Variants in RSF1 observed in about 807,000 individuals in gnomAD.
RSF1 encodes remodeling and spacing factor 1, also known as HBV pX-associated protein 8.
RSF1 carries 13 observed loss-of-function variants against 145.2 expected under a neutral mutation model. The observed-to-expected ratio is 0.09, with a 90% CI of 0.06 to 0.14. The LOEUF is 0.14. Ranked by LOEUF, RSF1 falls within the 10% of genes least tolerant of loss-of-function variation. The probability of loss-of-function intolerance (pLI) is 1.00; values close to 1 mark genes in which losing one functional copy is unlikely to be tolerated. For synonymous variants in RSF1, 577 were observed against 592.6 expected (o/e 0.97, Z 0.38); for missense variants, 1,517 against 1,718.2 (o/e 0.88, Z 2.07).
At chr11:77,783,778 G>A (rs1003307132) in intron 1 of RSF1, among the ~76,000 whole-genome samples, 2 of 152,040 alleles carry the variant, frequency 1.3e-5, no homozygotes, top group Non-Finnish European at 2.9e-5. Flanking sequence ...GGAAGTTGAG[G>A]CTGCAGTGAG....
intron 5 of RSF1, among the ~76,000 whole-genome samples, chr11:77,706,203 T>G (rs1338982104): frequency 7.1e-6 from 1 of 141,350 alleles, no homozygotes; most frequent in African/African-American, 2.7e-5. Flanking sequence ...ATTGCCCCAC[T>G]GCACTCCAGC....
intron 5 of RSF1, among the ~76,000 whole-genome samples, chr11:77,710,872 T>C (rs1169163487): frequency 1.3e-5 from 2 of 152,154 alleles, no homozygotes; most frequent in Non-Finnish European, 2.9e-5. Flanking sequence ...ATTTGACTCT[T>C]TGAGTCATTT....
chr11:77,851,419 C>G, the RSF1 span: 4 of 152,240 alleles, frequency 2.6e-5, no homozygotes, highest in African/African-American at 9.6e-5. Flanking sequence ...CTGTTCCTAG[C>G]TGTTCCTTGT....
chr11:77,863,439 C>T, the RSF1 span, among the ~76,000 whole-genome samples: 1 of 152,168 alleles, frequency 6.6e-6, no homozygotes, highest in African/African-American at 2.4e-5. Flanking sequence ...AGAGTGAAAA[C>T]AGAGCTCCCA....
chr11:77,800,996 C>T (rs1221461979), intron 1 of RSF1, among the ~76,000 whole-genome samples: 1 of 150,822 alleles, frequency 6.6e-6, no homozygotes, highest in Admixed American at 6.6e-5. Context: ...CAGAGCCAGG[C>T]CTTCTCTCTC....
rs139827658 is a variant in RSF1 at position 77,660,030 on chromosome 11, T to A, written c.*6887A>T. The A allele has an allele frequency of 6.6e-6, 1 of 152,222 alleles. No individual in the cohort carries two copies. The highest frequency in any genetic ancestry group is 1.5e-5 in the Non-Finnish European group (1 of 68,038). The allele number at this position is 152,222 out of a possible 1,614,324, so 9.4% of individuals were successfully genotyped here. On this transcript the variant is annotated 3_prime_UTR_variant, in exon 16 of 16. Transcript: ENST00000308488. ...ATAATTCAAATTTAAATTTTTATTATGACAATTGACATATTAAGTGAAAGA... is the reference window on the plus strand; with the variant it reads ...ATAATTCAAATTTAAATTTTTATTAAGACAATTGACATATTAAGTGAAAGA...
intron 1 of RSF1, among the ~76,000 whole-genome samples, chr11:77,797,217 A>G (rs1016526703): frequency 1.1e-4 from 16 of 152,240 alleles, no homozygotes; most frequent in Admixed American, 1.0e-3. Flanking sequence ...ATCCTGGGCA[A>G]GAAGAACAAA....
the RSF1 span, among the ~76,000 whole-genome samples, chr11:77,849,704 A>G: frequency 5.3e-5 from 8 of 152,270 alleles, no homozygotes; most frequent in East Asian, 1.2e-3. Flanking sequence ...TTCATAACAC[A>G]TATTTGAAGA....
chr11:77,700,254 G>A (rs918242397), intron 6 of RSF1, among the ~76,000 whole-genome samples: 2 of 145,114 alleles, frequency 1.4e-5, no homozygotes, highest in East Asian at 4.3e-4. Context: ...GGGAGACTGA[G>A]GCAAGAGAAT....
chr11:77,706,852 AAAC>A (rs1960564486), intron 5 of RSF1, among the ~76,000 whole-genome samples: 2 of 152,062 alleles, frequency 1.3e-5, no homozygotes, highest in African/African-American at 4.8e-5. Context: ...CTAATTTGTA[AAAC>A]AACTAAAATA....
rs1029555157 is a variant in RSF1, at chr11:77,663,183, G to A, written c.*3734C>T. ...AATATTAAACTTGTAGATTCATTAGGTTCTTTACAGTTGTGTGGTAGAATC... is the reference window on the plus strand; with the variant it reads ...AATATTAAACTTGTAGATTCATTAGATTCTTTACAGTTGTGTGGTAGAATC... On this transcript the variant is annotated 3_prime_UTR_variant, in exon 16 of 16. Coordinates refer to ENST00000308488, the MANE Select transcript of RSF1 (RefSeq NM_016578.4). The A allele has an allele frequency of 6.6e-6, 1 of 152,060 alleles. No individual in the cohort carries two copies. The highest frequency in any genetic ancestry group is 1.5e-5 in the Non-Finnish European group (1 of 68,012). The allele number at this position is 152,060 out of a possible 1,614,324, so 9.4% of individuals were successfully genotyped here.
chr11:77,722,571 T>C (rs1274456899), intron 5 of RSF1, among the ~76,000 whole-genome samples: 1 of 152,222 alleles, frequency 6.6e-6, no homozygotes, highest in Non-Finnish European at 1.5e-5. Flanking sequence ...GCATAGGGTA[T>C]AGAAGGATCA....
At chr11:77,831,213 A>G in the RSF1 span, among the ~76,000 whole-genome samples, 1 of 152,174 alleles carries the variant, frequency 6.6e-6, no homozygotes. Context: ...GGTGTTGACA[A>G]GGATATGGAG....
chr11:77,688,846 TTAAAC>T (rs1565148880), intron 9 of RSF1, among the ~76,000 whole-genome samples: 1 of 152,222 alleles, frequency 6.6e-6, no homozygotes, highest in South Asian at 2.1e-4. Context: ...TAACTTGCCT[TTAAAC>T]TAAGCAGCAT....
chr11:77,722,049 G>A (rs1445687759), intron 5 of RSF1, among the ~76,000 whole-genome samples: 3 of 152,006 alleles, frequency 2.0e-5, no homozygotes, highest in African/African-American at 4.8e-5. Flanking sequence ...GCATGGTGGC[G>A]CACACCTGTA....
chr11:77,854,686 G>C, the RSF1 span, among the ~76,000 whole-genome samples: 6 of 152,306 alleles, frequency 3.9e-5, no homozygotes, highest in East Asian at 9.7e-4. Flanking sequence ...CTGGCATTGA[G>C]TGCCTGCGGG....
At chr11:77,847,408 A>G in the RSF1 span, among the ~76,000 whole-genome samples, 1 of 152,248 alleles carries the variant, frequency 6.6e-6, no homozygotes, top group Non-Finnish European at 1.5e-5. Context: ...TAGGCCCCAC[A>G]TAGAAAGAGA....
intron 1 of RSF1, among the ~76,000 whole-genome samples, chr11:77,777,163 T>C (rs537588360): frequency 2.0e-5 from 3 of 152,340 alleles, no homozygotes; most frequent in Non-Finnish European, 4.4e-5. Context: ...CATCCATAAA[T>C]ACTTCAGTGT....
intron 4 of RSF1, among the ~76,000 whole-genome samples, chr11:77,731,182 G>A (rs1463039832): frequency 6.6e-6 from 1 of 152,172 alleles, no homozygotes; most frequent in East Asian, 1.9e-4. Context: ...ATGAGATGAG[G>A]AACTTGTTCC....
Sources: allele counts gnomAD v4.1 joint callset (sites outside exome capture counted in the v4.1 genomes callset), GRCh38; gene constraint gnomAD v4.1.1; transcripts MANE v1.5; gene names NCBI Gene and HGNC (gene_info 2026-07-23, HGNC 2026-07-21).